Variants in NTM observed in about 807,000 individuals in gnomAD.
NTM encodes the protein neurotrimin, also known as IgLON family member 2.
In NTM, 13 loss-of-function variants were observed where a neutral mutation model predicts 42.1. The ratio of observed to expected loss-of-function variants is 0.31; its 90% confidence interval spans 0.20 to 0.49. The LOEUF (loss-of-function observed/expected upper bound fraction) is 0.49. Ranked by LOEUF, NTM falls within the 20% of genes least tolerant of loss-of-function variation. The probability of loss-of-function intolerance (pLI) is 0.99; values close to 1 mark genes in which losing one functional copy is unlikely to be tolerated. For synonymous variants in NTM, 187 were observed against 179.2 expected, an observed-to-expected ratio of 1.04 and a Z score of -0.35; for missense variants, 373 against 452.8, an observed-to-expected ratio of 0.82 and a Z score of 1.60.
At chr11:131,896,198 T>C (rs559432488) in intron 1 of NTM, among the ~76,000 whole-genome samples, 1 of 152,296 alleles carries the variant, frequency 6.6e-6, no homozygotes, top group South Asian at 2.1e-4. Flanking sequence ...ATAAAAATCA[T>C]TGAAAATATT....
chr11:132,303,867 G>A (rs960662537), intron 4 of NTM, among the ~76,000 whole-genome samples: 2 of 152,098 alleles, frequency 1.3e-5, no homozygotes, highest in Non-Finnish European at 2.9e-5. Flanking sequence ...CTTCTCCTGG[G>A]CCCCTCAGTG....
intron 4 of NTM, among the ~76,000 whole-genome samples, chr11:132,215,126 C>T (rs1033486656): frequency 6.6e-6 from 1 of 152,192 alleles, no homozygotes; most frequent in Non-Finnish European, 1.5e-5. Context: ...CTTGGTGTTC[C>T]TTGGAGAAGA....
chr11:131,966,450 AAGC>A (rs1197881387), intron 2 of NTM, among the ~76,000 whole-genome samples: 1 of 152,196 alleles, frequency 6.6e-6, no homozygotes, highest in Non-Finnish European at 1.5e-5. Context: ...TAGGGGAAAA[AAGC>A]AGAATAGTTG....
At chr11:131,988,624 C>G (rs532624366) in intron 2 of NTM, among the ~76,000 whole-genome samples, 1 of 152,110 alleles carries the variant, frequency 6.6e-6, no homozygotes, top group Non-Finnish European at 1.5e-5. Context: ...GTTTTTTCTC[C>G]AAGCTGGGAA....
chr11:131,507,650 T>C (rs1346596662), intron 1 of NTM, among the ~76,000 whole-genome samples: 1 of 148,602 alleles, frequency 6.7e-6, no homozygotes, highest in Non-Finnish European at 1.5e-5. Flanking sequence ...CCTTGGGCAG[T>C]ATGGCCATTT....
At chr11:132,112,720 C>A (rs1210441016) in intron 2 of NTM, among the ~76,000 whole-genome samples, 1 of 28,776 alleles carries the variant, frequency 3.5e-5, no homozygotes, top group Non-Finnish European at 6.6e-5. Context: ...TGCACACTTA[C>A]ACACACACAC....
At position 131,600,135 on chromosome 11, in the gene NTM, C is replaced by T. The variant is rs142470470; in HGVS notation, c.82+229247C>T. Among the ~76,000 whole-genome samples the T allele has an allele frequency of 7.1e-3, 1,087 of 152,258 alleles. 14 individuals carry two copies. The highest frequency in any genetic ancestry group is 0.025 in the African/African-American group (1,051 of 41,558). On this transcript the variant is annotated intron_variant, in intron 1 of 8. Coordinates refer to ENST00000683400, the MANE Select transcript of NTM (RefSeq NM_001352005.2). ...TATTAATAACTGGGATGTAGCTGTGCATGTTCGGACCCTCCTCCCAGCAGC... is the reference window on the plus strand; with the variant it reads ...TATTAATAACTGGGATGTAGCTGTGTATGTTCGGACCCTCCTCCCAGCAGC...
chr11:132,306,048 A>G (rs1381202436), intron 4 of NTM, among the ~76,000 whole-genome samples: 1 of 152,220 alleles, frequency 6.6e-6, no homozygotes, highest in East Asian at 1.9e-4. Context: ...ATGAAGATGT[A>G]TGAGATGAGG....
intron 2 of NTM, among the ~76,000 whole-genome samples, chr11:131,937,341 T>C (rs12099416): frequency 0.013 from 2,016 of 152,356 alleles, 27 homozygotes; most frequent in South Asian, 0.047. Flanking sequence ...GTGTATTGCT[T>C]CTTGTTCTAT....
chr11:131,929,435 G>T (rs766540073), intron 2 of NTM, among the ~76,000 whole-genome samples: 4 of 151,934 alleles, frequency 2.6e-5, no homozygotes, highest in Non-Finnish European at 5.9e-5. Flanking sequence ...AGTTTGAGCT[G>T]CTGCATGTTA....
At chr11:131,944,844 C>T (rs551718114) in intron 2 of NTM, among the ~76,000 whole-genome samples, 13 of 152,240 alleles carry the variant, frequency 8.5e-5, no homozygotes, top group East Asian at 5.8e-4. Context: ...ATGTGTAGTG[C>T]GGAGAACCAA....
At chr11:131,485,363 C>T (rs573358024) in intron 1 of NTM, among the ~76,000 whole-genome samples, 1 of 152,274 alleles carries the variant, frequency 6.6e-6, no homozygotes, top group East Asian at 1.9e-4. Context: ...CGAGAGAGGC[C>T]CTTCTGTGCC....
intron 2 of NTM, among the ~76,000 whole-genome samples, chr11:131,936,768 T>C (rs973157600): frequency 1.3e-5 from 2 of 152,060 alleles, no homozygotes; most frequent in African/African-American, 4.8e-5. Context: ...CGTCAATGGA[T>C]GGAACTGAGG....
chr11:132,093,873 T>C (rs1266379460), intron 2 of NTM, among the ~76,000 whole-genome samples: 1 of 152,224 alleles, frequency 6.6e-6, no homozygotes, highest in Non-Finnish European at 1.5e-5. Context: ...AGAAAAACTT[T>C]AGCTGAATTA....
At chr11:132,235,302 C>A (rs748928973) in intron 4 of NTM, among the ~76,000 whole-genome samples, 1 of 152,164 alleles carries the variant, frequency 6.6e-6, no homozygotes, top group Non-Finnish European at 1.5e-5. Flanking sequence ...ATCAAACCCC[C>A]ATCAGGCTTT....
intron 1 of NTM, chr11:131,539,191 C>T (rs911537127): frequency 2.0e-5 from 3 of 152,106 alleles, no homozygotes; most frequent in Non-Finnish European, 4.4e-5. Flanking sequence ...ATCCTCCTGC[C>T]TCAGCTTCCC....
intron 4 of NTM, 48 bp downstream of exon 4, chr11:132,212,195 T>G: frequency 6.4e-7 from 1 of 1,558,742 alleles, no homozygotes; most frequent in Non-Finnish European, 8.8e-7. Context: ...AATGGGGGAA[T>G]TTTGGGCCTT....
chr11:132,335,841 A>T lies in NTM; in HGVS notation c.*695A>T, dbSNP rs897102331. 10 of 152,566 alleles carry T rather than the reference A, an allele frequency of 6.6e-5. No homozygotes were observed. Among genetic ancestry groups the T allele is most frequent in the Non-Finnish European group, 4.4e-5 (3 of 68,040 alleles). The allele number at this position is 152,566 out of a possible 1,614,324, so 9.5% of individuals were successfully genotyped here. A position where few individuals can be genotyped will look rare whatever the true frequency, so the allele number is the denominator to read the frequency against. On this transcript the variant is annotated 3_prime_UTR_variant, in exon 9 of 9. Coordinates refer to ENST00000683400, the MANE Select transcript of NTM (RefSeq NM_001352005.2). ...CTGATATGAGTCTAGAACTTACTGC[A>T]AAAACAAGACAAAACTAAAAAAATA...
intron 2 of NTM, among the ~76,000 whole-genome samples, chr11:132,013,469 G>A (rs1362241631): frequency 2.0e-5 from 3 of 152,082 alleles, no homozygotes; most frequent in Admixed American, 6.6e-5. Context: ...AAGAAACATA[G>A]CAGTTAAAAG....
Sources: allele counts gnomAD v4.1 joint callset (sites outside exome capture counted in the v4.1 genomes callset), GRCh38; gene constraint gnomAD v4.1.1; transcripts MANE v1.5; gene names NCBI Gene and HGNC (gene_info 2026-07-23, HGNC 2026-07-21).